The following PARP14 variants were observed in gnomAD, a reference collection of about 807,000 sequenced individuals.
PARP14 encodes protein mono-ADP-ribosyltransferase PARP14.
A neutral mutation model predicts 154.2 loss-of-function variants in PARP14; 59 were observed. The observed-to-expected ratio is 0.38, with a 90% CI of 0.31 to 0.48. The LOEUF (loss-of-function observed/expected upper bound fraction) is 0.48, where lower values mean the gene tolerates loss of function less well. Ranked by LOEUF, PARP14 falls within the 20% of genes least tolerant of loss-of-function variation. The probability of loss-of-function intolerance (pLI) is 0.98; values close to 1 mark genes in which losing one functional copy is unlikely to be tolerated. For synonymous variants in PARP14, 720 were observed against 780.5 expected, an observed-to-expected ratio of 0.92 and a Z score of 1.29; for missense variants, 1,734 against 2,131.6, an observed-to-expected ratio of 0.81 and a Z score of 3.67.
chr3:122,720,868 A>T (rs553124557), intron 15 of PARP14: 1 of 456,556 alleles, frequency 2.2e-6, no homozygotes, highest in Non-Finnish European at 4.4e-6. Flanking sequence ...AGCTATTGGG[A>T]GGCTGAGGTG....
chr3:122,713,710 T>A (rs1939394392), intron 10 of PARP14, 137 bp downstream of exon 10: 1 of 887,294 alleles, frequency 1.1e-6, no homozygotes, highest in Admixed American at 2.6e-5. Context: ...TTTTCCATAA[T>A]TAATAATGTT....
chr3:122,702,299 C>A (rs749616768), intron 6 of PARP14, among the ~76,000 whole-genome samples: 1 of 152,144 alleles, frequency 6.6e-6, no homozygotes, highest in Admixed American at 6.5e-5. Context: ...TCACTGCAAC[C>A]TCCGCCCCCT....
intron 1 of PARP14, chr3:122,683,289 G>C: frequency 2.0e-6 from 2 of 984,828 alleles, no homozygotes; most frequent in Non-Finnish European, 2.4e-6. Flanking sequence ...TCCATGCCAG[G>C]AAGTGGCCTC....
chr3:122,714,313 G>T lies in PARP14; in HGVS notation c.3884G>T (p.Cys1295Phe). Residue 1295 changes from cysteine (C) to phenylalanine (F), a missense_variant, in exon 12 of 17, where the codon TGC becomes TTC. Cys to Phe is a radical substitution (Grantham distance 205). Around this residue, in one of 2 missense-constraint regions of PARP14, gnomAD observed 1,646 missense variants for 1,976.0 expected, o/e 0.83. Transcript: ENST00000474629. ...YIITGGGFLR[C>F]KNIIHVIGGN... Reference sequence around the variant, plus strand: ...ATCACCGGAGGTGGATTTTTGAGGTGCAAGAATATCATTCATGTAATTGGT... The same window carrying T: ...ATCACCGGAGGTGGATTTTTGAGGTTCAAGAATATCATTCATGTAATTGGT... 1 of 1,600,970 alleles carries T rather than the reference G, an allele frequency of 6.2e-7. No homozygotes were observed. Among genetic ancestry groups the T allele is most frequent in the Non-Finnish European group, 8.5e-7 (1 of 1,175,904 alleles).
At position 122,699,838 on chromosome 3, in the gene PARP14, A is replaced by C. The variant is rs766825947; in HGVS notation, c.1284A>C (p.Thr428=). The C allele has an allele frequency of 6.2e-6, 10 of 1,613,906 alleles. No individual in the cohort carries two copies. The highest frequency in any genetic ancestry group is 8.5e-6 in the Non-Finnish European group (10 of 1,179,774). ...ACAGGATTTTGATTGAGTTTGATAC[A>C]CTTAAGGAGATGGTAATCTTAGCAG... ...KDDRILIEFD[T]LKEMVILAGK... is the part of the protein sequence containing the mutation. Residue 428 remains threonine (T), a synonymous_variant, in exon 6 of 17, where the codon ACA becomes ACC. Coordinates refer to ENST00000474629, the MANE Select transcript of PARP14 (RefSeq NM_017554.3).
chr3:122,693,702 A>T (rs971360063), intron 4 of PARP14, among the ~76,000 whole-genome samples: 1 of 151,988 alleles, frequency 6.6e-6, no homozygotes, highest in Non-Finnish European at 1.5e-5. Flanking sequence ...TTAGCCAGGC[A>T]TGGTGGCGCA....
chr3:122,702,443 C>T (rs768227847), intron 6 of PARP14, among the ~76,000 whole-genome samples: 6 of 152,164 alleles, frequency 3.9e-5, no homozygotes, highest in Non-Finnish European at 8.8e-5. Context: ...TGGTCTTGAA[C>T]TCCTGACCTC....
At chr3:122,683,500 G>A (rs1179304242) in intron 1 of PARP14, among the ~76,000 whole-genome samples, 4 of 152,206 alleles carry the variant, frequency 2.6e-5, no homozygotes, top group African/African-American at 9.6e-5. Context: ...TTTAAGCCCT[G>A]TTTCAGATGT....
chr3:122,704,386 C>T, intron 7 of PARP14, 141 bp from the exon 8 acceptor site: 1 of 601,710 alleles, frequency 1.7e-6, no homozygotes, highest in Non-Finnish European at 3.0e-6. Context: ...CTGTATTTTT[C>T]TTTCCTCTTC....
At chr3:122,728,170 A>T in intron 16 of PARP14, 138 bp from the exon 17 acceptor site, 1 of 944,622 alleles carries the variant, frequency 1.1e-6, no homozygotes, top group South Asian at 1.7e-5. Context: ...TAGGTAGAAA[A>T]ATTGATGATT....
At chr3:122,687,407 T>A (rs1161602078) in intron 3 of PARP14, among the ~76,000 whole-genome samples, 1 of 152,184 alleles carries the variant, frequency 6.6e-6, no homozygotes, top group East Asian at 1.9e-4. Context: ...GATCTTTACT[T>A]TCCACTTGTG....
intron 15 of PARP14, among the ~76,000 whole-genome samples, chr3:122,727,604 T>C (rs1933319880): frequency 6.6e-6 from 1 of 152,192 alleles, no homozygotes; most frequent in African/African-American, 2.4e-5. Flanking sequence ...ATAAAAGATG[T>C]TAAAAATTAA....
At chr3:122,710,251 G>A (rs2107649211) in intron 9 of PARP14, among the ~76,000 whole-genome samples, 1 of 152,200 alleles carries the variant, frequency 6.6e-6, no homozygotes, top group African/African-American at 2.4e-5. Flanking sequence ...TGAGAGATGG[G>A]GATCCAGTTT....
At chr3:122,720,497 A>G (rs1168143113) in intron 15 of PARP14, 109 bp downstream of exon 15, 4 of 1,035,004 alleles carry the variant, frequency 3.9e-6, no homozygotes, top group Non-Finnish European at 1.5e-6. Flanking sequence ...TTAAACCCAG[A>G]ATTAGAATTT....
intron 8 of PARP14, among the ~76,000 whole-genome samples, chr3:122,705,320 C>T (rs1939119286): frequency 6.6e-6 from 1 of 152,102 alleles, no homozygotes; most frequent in Non-Finnish European, 1.5e-5. Context: ...CCAAATAAGG[C>T]CCACATATTG....
In PARP14 at chr3:122,704,634, C is replaced by A; in HGVS notation, c.3426C>A (p.Asn1142Lys). The change falls in exon 8 of 17, where the codon AAC becomes AAA. Residue 1142 changes from asparagine (N) to lysine (K), a missense_variant. By Grantham distance (94) the Asn-to-Lys change is moderately conservative (BLOSUM62 0). Around this residue, in one of 2 missense-constraint regions of PARP14, gnomAD observed 1,646 missense variants for 1,976.0 expected, o/e 0.83. Coordinates refer to ENST00000474629, the MANE Select transcript of PARP14 (RefSeq NM_017554.3). Reference protein sequence around the residue: ...IGTGNLGFPKNIFAELIISEV... With the variant: ...IGTGNLGFPKKIFAELIISEV... ...CAGGAAACTTGGGATTTCCTAAAAA[C>A]ATATTCGCTGAATTAATCATTTCAG... is the stretch of plus-strand genomic sequence containing the variant. The A allele has an allele frequency of 6.2e-7, 1 of 1,605,862 alleles. No individual in the cohort carries two copies. Among genetic ancestry groups the A allele is most frequent in the Non-Finnish European group, 8.5e-7 (1 of 1,175,248 alleles).
Position 122,695,594 on chromosome 3 carries a change from G to A in PARP14, c.767G>A (p.Gly256Glu). 1.2e-6 allele frequency: 2 copies of A among 1,610,800 alleles called. No individual in the cohort carries two copies. The highest frequency in any genetic ancestry group is 1.7e-5 in the Admixed American group (1 of 59,886). Residue 256 changes from glycine (G) to glutamate (E), a missense_variant, in exon 5 of 17, where the codon GGA (glycine) becomes GAA (glutamate). Gly to Glu is a moderately conservative substitution (Grantham distance 98). Coordinates refer to ENST00000474629, the MANE Select transcript of PARP14 (RefSeq NM_017554.3). ...TTTGAAAATCCCTATAATGGAGGGG[G>A]AAGAGTTGCCAATGTTGAATATTTT... ...LFFENPYNGG[G>E]RVANVEYFPE...
chr3:122,701,332 T>C lies in PARP14; in HGVS notation c.2778T>C (p.Phe926=). 1 of 1,614,078 alleles carries C rather than the reference T, an allele frequency of 6.2e-7. No individual in the cohort carries two copies. Residue 926 remains phenylalanine, a synonymous_variant, in exon 6 of 17, where the codon TTT becomes TTC. Transcript: ENST00000474629. The surrounding 1 kb of genome is among the most constrained non-coding windows in gnomAD (Gnocchi z 4.0). ...IAIPAISSGV[F]GFPLGRCVET... is the part of the protein sequence containing the mutation. The stretch of plus-strand genomic sequence containing the variant: ...TCCCAGCTATTAGTTCTGGAGTCTT[T>C]GGCTTTCCCTTAGGCCGATGCGTGG...
Position 122,730,654 on chromosome 3 carries a change from A to T in PARP14, c.*2057A>T, listed in dbSNP as rs541430662. ...ACAATAAATGTAAGAAATTGGAATA[A>T]AAAAGAGAGACCTGCTGTTATTCGC... On this transcript the variant is annotated 3_prime_UTR_variant, in exon 17 of 17. Transcript: ENST00000474629. The T allele has an allele frequency of 6.5e-6, 1 of 152,774 alleles. No individual in the cohort carries two copies. Among genetic ancestry groups the T allele is most frequent in the South Asian group, 2.1e-4 (1 of 4,826 alleles). 9.5% of individuals were successfully genotyped at this position (152,774 alleles called of 1,614,324 possible).
Sources: gnomAD v4.1 joint callset for allele counts (sites outside exome capture counted in the v4.1 genomes callset) on GRCh38, gnomAD v4.1.1 for gene constraint, gnomAD v4.1.1 regional missense constraint, Gnocchi (gnomAD v3.1) non-coding constraint, MANE v1.5 for transcripts, NCBI Gene and HGNC (gene_info 2026-07-23, HGNC 2026-07-21) for gene names.